RGL1: variants seen among roughly 807,000 people sequenced by gnomAD.
RGL1 encodes the protein ral guanine nucleotide dissociation stimulator-like 1.
RGL1 carries 24 observed loss-of-function variants against 95.2 expected under a neutral mutation model. The ratio of observed to expected loss-of-function variants is 0.25; its 90% CI spans 0.18 to 0.35. The LOEUF (loss-of-function observed/expected upper bound fraction) is 0.35. Ranked by LOEUF, RGL1 falls within the 10% of genes least tolerant of loss-of-function variation. The probability of loss-of-function intolerance (pLI) is 1.00; values close to 1 mark genes in which losing one functional copy is unlikely to be tolerated. For missense variants in RGL1, 715 were observed against 936.3 expected, an observed-to-expected ratio of 0.76 and a Z score of 3.08; for synonymous variants, 329 against 344.9, an observed-to-expected ratio of 0.95 and a Z score of 0.51.
intron 7 of RGL1, among the ~76,000 whole-genome samples, chr1:183,887,170 C>T (rs1333631825): frequency 3.5e-5 from 5 of 144,778 alleles, no homozygotes; most frequent in Non-Finnish European, 4.6e-5. Context: ...CTCCCTCCCT[C>T]CCTCTTTTCC....
chr1:183,690,058 G>T (rs116364809), intron 1 of RGL1, among the ~76,000 whole-genome samples: 3 of 152,194 alleles, frequency 2.0e-5, no homozygotes, highest in African/African-American at 7.2e-5. Flanking sequence ...GCTTGGAAAG[G>T]CTTCATGAGG....
intron 1 of RGL1, among the ~76,000 whole-genome samples, chr1:183,649,871 A>C (rs1271574762): frequency 6.6e-6 from 1 of 152,140 alleles, no homozygotes; most frequent in Non-Finnish European, 1.5e-5. Flanking sequence ...CAGTGCAGTG[A>C]GATGATCATG....
At chr1:183,866,169 A>G (rs1411279765) in intron 4 of RGL1, 96 bp downstream of exon 4, 4 of 1,049,918 alleles carry the variant, frequency 3.8e-6, no homozygotes, top group Admixed American at 2.0e-5. Context: ...TGTTGCCATG[A>G]TTTTTTTTTC....
Position 183,926,368 on chromosome 1 carries a change from C to A in RGL1, c.*76C>A. On this transcript the variant is annotated 3_prime_UTR_variant, in exon 18 of 18. Coordinates refer to ENST00000360851, the MANE Select transcript of RGL1 (RefSeq NM_001297671.3). ...AACAGGCTGCGGTGATTGCAATTAC[C>A]ATCCGGTGTTCGAGGATCATTGGTG... is the stretch of plus-strand genomic sequence containing the variant. The A allele has an allele frequency of 7.9e-7, 1 of 1,272,364 alleles. No homozygotes were observed. The highest frequency in any genetic ancestry group is 2.5e-5 in the Admixed American group (1 of 40,376). The allele number at this position is 1,272,364 out of a possible 1,614,324, so 78.8% of individuals were successfully genotyped here.
intron 2 of RGL1, among the ~76,000 whole-genome samples, chr1:183,763,361 C>T (rs1658805988): frequency 6.6e-6 from 1 of 152,094 alleles, no homozygotes; most frequent in Non-Finnish European, 1.5e-5. Context: ...ACGTTCTGCA[C>T]ATGTACCCCA....
At chr1:183,795,829 A>G (rs763481371) in intron 2 of RGL1, among the ~76,000 whole-genome samples, 2 of 152,222 alleles carry the variant, frequency 1.3e-5, no homozygotes. Context: ...AATGTTGCTC[A>G]TTGACTGAAC....
At chr1:183,701,197 A>T (rs763024329) in intron 1 of RGL1, among the ~76,000 whole-genome samples, 5 of 152,182 alleles carry the variant, frequency 3.3e-5, no homozygotes, top group Non-Finnish European at 5.9e-5. Context: ...TGTTGATAGG[A>T]TAGATCCTAG....
intron 2 of RGL1, among the ~76,000 whole-genome samples, chr1:183,799,175 T>C (rs1052837133): frequency 6.6e-6 from 1 of 152,106 alleles, no homozygotes; most frequent in African/African-American, 2.4e-5. Flanking sequence ...GTGCTGGGAT[T>C]ACAGGCATGA....
Position 183,668,935 on chromosome 1 carries a change from C to CTTTTTTTTTT in RGL1, c.-33+32438_-33+32439insTTTTTTTTTT, listed in dbSNP as rs551008973. Among the ~76,000 whole-genome samples the CTTTTTTTTTT allele has an allele frequency of 1.7e-5, 2 of 115,556 alleles. 1 individual carries two copies. 75.8% of individuals were successfully genotyped at this position (115,556 alleles called of 152,430 possible). A position where few individuals can be genotyped will look rare whatever the true frequency, so the allele number is the denominator to read the frequency against. ...CTTTTTGCTTTTGGTATTGGACTTT[C>CTTTTTTTTTT]TTTTCTTTTTTTTTTTTTTTGAGAT... On this transcript the variant is annotated intron_variant, in intron 1 of 18. Coordinates refer to the RGL1 transcript ENST00000304685.
chr1:183,779,596 C>A (rs577952202), intron 2 of RGL1, among the ~76,000 whole-genome samples: 1 of 152,188 alleles, frequency 6.6e-6, no homozygotes, highest in South Asian at 2.1e-4. Context: ...TCAGGTTTCA[C>A]GATGAGTGTG....
At chr1:183,658,221 C>T (rs1001558988) in intron 1 of RGL1, among the ~76,000 whole-genome samples, 1 of 152,178 alleles carries the variant, frequency 6.6e-6, no homozygotes, top group Non-Finnish European at 1.5e-5. Flanking sequence ...ACAGTGGGTG[C>T]AGTGCACCAT....
At chr1:183,730,383 G>C (rs1011430144) in intron 1 of RGL1, among the ~76,000 whole-genome samples, 2 of 152,026 alleles carry the variant, frequency 1.3e-5, no homozygotes, top group Admixed American at 6.6e-5. Flanking sequence ...GGTGTGTTTC[G>C]GCCACAGGTC....
At chr1:183,832,495 T>C (rs1027468970) in intron 2 of RGL1, among the ~76,000 whole-genome samples, 3 of 152,196 alleles carry the variant, frequency 2.0e-5, no homozygotes, top group African/African-American at 7.2e-5. Context: ...GATATATGTG[T>C]GGGATGACCA....
intron 1 of RGL1, among the ~76,000 whole-genome samples, chr1:183,681,058 C>T (rs1653179597): frequency 6.6e-6 from 1 of 152,188 alleles, no homozygotes; most frequent in Non-Finnish European, 1.5e-5. Flanking sequence ...TGTTTATCAG[C>T]TTAAGGAGAT....
At chr1:183,665,131 T>C (rs1272267744) in intron 1 of RGL1, among the ~76,000 whole-genome samples, 1 of 152,158 alleles carries the variant, frequency 6.6e-6, no homozygotes, top group Non-Finnish European at 1.5e-5. Context: ...TCCACATTCA[T>C]TGATATGTGG....
chr1:183,864,854 C>T (rs1665730250), intron 3 of RGL1, among the ~76,000 whole-genome samples: 1 of 152,140 alleles, frequency 6.6e-6, no homozygotes. Context: ...GATGGACTGG[C>T]GTTGGGTCAA....
rs545382657 is a variant in RGL1, at chr1:183,918,666, C to T, written c.2004+1965C>T. On this transcript the variant is annotated intron_variant, in intron 16 of 17. Coordinates refer to ENST00000360851, the MANE Select transcript of RGL1 (RefSeq NM_001297671.3). ...TGGGAGGGTAGTGAGCAGAAGATCC[C>T]CTGCCCCCTGCTCTGAGATTCCTCC... Among the ~76,000 whole-genome samples the T allele has an allele frequency of 6.2e-4, 95 of 152,274 alleles. 1 individual carries two copies. The highest frequency in any genetic ancestry group is 2.2e-3 in the African/African-American group (93 of 41,558).
intron 2 of RGL1, among the ~76,000 whole-genome samples, chr1:183,822,430 T>C (rs2102461350): frequency 6.6e-6 from 1 of 151,510 alleles, no homozygotes; most frequent in South Asian, 2.1e-4. Flanking sequence ...TTAGGAGTTA[T>C]TGAACCAAAA....
At chr1:183,696,864 A>C (rs780169798) in intron 1 of RGL1, among the ~76,000 whole-genome samples, 3 of 152,150 alleles carry the variant, frequency 2.0e-5, no homozygotes, top group African/African-American at 7.2e-5. Context: ...AATCTGACCA[A>C]TTCTTGCCAC....
Sources: gnomAD v4.1 joint callset for allele counts (sites outside exome capture counted in the v4.1 genomes callset) on GRCh38, gnomAD v4.1.1 for gene constraint, MANE v1.5 for transcripts, NCBI Gene and HGNC (gene_info 2026-07-23, HGNC 2026-07-21) for gene names.